Variants in PHF14 observed in about 807,000 individuals in gnomAD.
PHF14 encodes the protein PHD finger protein 14.
In PHF14, 55 loss-of-function variants were observed where a neutral mutation model predicts 117.9. The ratio of observed to expected loss-of-function variants is 0.47; its 90% CI spans 0.38 to 0.58. The LOEUF (loss-of-function observed/expected upper bound fraction) is 0.58. Ranked by LOEUF, PHF14 falls within the 20% of genes least tolerant of loss-of-function variation. PHF14 has a pLI of 0.00. For missense variants in PHF14, 978 were observed against 1,122.2 expected (o/e 0.87, Z 1.84); for synonymous variants, 409 against 368.6 (o/e 1.11, Z -1.26).
intron 6 of PHF14, among the ~76,000 whole-genome samples, chr7:11,023,951 G>T (rs972410539): frequency 6.6e-6 from 1 of 152,198 alleles, no homozygotes; most frequent in African/African-American, 2.4e-5. Flanking sequence ...TAAGCTTAGT[G>T]AGGAAGGCAT....
chr7:11,048,437 T>A (rs1784747152), intron 13 of PHF14, among the ~76,000 whole-genome samples: 4 of 152,014 alleles, frequency 2.6e-5, no homozygotes, highest in African/African-American at 9.7e-5. Flanking sequence ...CCAGGCATGG[T>A]GGCAGGCACC....
At chr7:11,067,887 CA>C (rs1209653428) in intron 16 of PHF14, among the ~76,000 whole-genome samples, 1 of 152,076 alleles carries the variant, frequency 6.6e-6, no homozygotes, top group Non-Finnish European at 1.5e-5. Flanking sequence ...AGTTAGAACA[CA>C]CCCCTGAGGA....
chr7:11,020,586 G>A (rs779730795), intron 5 of PHF14, among the ~76,000 whole-genome samples: 6 of 151,774 alleles, frequency 4.0e-5, no homozygotes, highest in Admixed American at 6.6e-5. Context: ...ACCATGTTGC[G>A]CAGGCTGGTC....
chr7:11,101,840 T>C (rs958293868), intron 16 of PHF14, among the ~76,000 whole-genome samples: 3 of 151,836 alleles, frequency 2.0e-5, no homozygotes, highest in African/African-American at 7.2e-5. Context: ...ACTTTTTATG[T>C]TTACCCCAGT....
chr7:11,058,834 A>G, intron 14 of PHF14, among the ~76,000 whole-genome samples: 1 of 152,232 alleles, frequency 6.6e-6, no homozygotes. Context: ...ACTGAGTTTC[A>G]GGTTTACCTC....
chr7:11,058,173 A>G (rs913367619), intron 14 of PHF14, among the ~76,000 whole-genome samples: 5 of 152,182 alleles, frequency 3.3e-5, no homozygotes, highest in African/African-American at 1.2e-4. Context: ...AGTTATATAT[A>G]CTTCTATTCA....
At chr7:11,106,072 C>T in intron 16 of PHF14, 1 of 982,870 alleles carries the variant, frequency 1.0e-6, no homozygotes, top group South Asian at 4.7e-5. Flanking sequence ...ATTCTTCTCT[C>T]ATGCTGTGAA....
At chr7:11,071,606 T>C (rs1328026194) in intron 16 of PHF14, among the ~76,000 whole-genome samples, 1 of 152,218 alleles carries the variant, frequency 6.6e-6, no homozygotes. Context: ...TGTTCAACGA[T>C]CATTACAGTC....
At chr7:11,105,643 G>A in intron 16 of PHF14, 1 of 984,524 alleles carries the variant, frequency 1.0e-6, no homozygotes, top group Non-Finnish European at 1.2e-6. Flanking sequence ...CACTTTGTAA[G>A]TTTACATAAA....
intron 16 of PHF14, chr7:11,063,380 A>G (rs1285170943): frequency 5.1e-6 from 5 of 982,566 alleles, no homozygotes; most frequent in Non-Finnish European, 6.0e-6. Context: ...AATCCCAAGC[A>G]TAAGCGTAAC....
intron 12 of PHF14, 27 bp downstream of exon 12, chr7:11,040,802 A>G (rs989224572): frequency 7.2e-6 from 8 of 1,112,620 alleles, no homozygotes; most frequent in African/African-American, 1.6e-5. Flanking sequence ...ATAATGATAG[A>G]ATAATGTTGT....
chr7:11,050,427 T>C (rs192789411), intron 13 of PHF14, among the ~76,000 whole-genome samples: 71 of 152,344 alleles, frequency 4.7e-4, no homozygotes, highest in African/African-American at 1.5e-3. Flanking sequence ...AATTTACTTT[T>C]AACAACTGGT....
intron 7 of PHF14, among the ~76,000 whole-genome samples, chr7:11,033,948 C>G (rs916084223): frequency 2.0e-5 from 3 of 151,946 alleles, no homozygotes; most frequent in Admixed American, 6.6e-5. Context: ...GTAAGTAAAC[C>G]CTGTTTTACT....
intron 4 of PHF14, among the ~76,000 whole-genome samples, chr7:11,001,394 A>G (rs1435129258): frequency 6.6e-6 from 1 of 151,894 alleles, no homozygotes; most frequent in Non-Finnish European, 1.5e-5. Context: ...TTGCCTCTCC[A>G]TGTAAACTTT....
intron 13 of PHF14, among the ~76,000 whole-genome samples, chr7:11,046,864 A>G (rs1400506207): frequency 6.6e-6 from 1 of 151,856 alleles, no homozygotes; most frequent in Non-Finnish European, 1.5e-5. Context: ...GCTTAGACAT[A>G]AGAAAAAAAA....
chr7:11,117,032 G>C (rs548546703), intron 17 of PHF14, among the ~76,000 whole-genome samples: 1 of 151,958 alleles, frequency 6.6e-6, no homozygotes, highest in South Asian at 2.1e-4. Context: ...ACTTGTATCT[G>C]CTGAAACACT....
chr7:11,158,185 T>C (rs1224804332), intron 17 of PHF14, among the ~76,000 whole-genome samples: 1 of 152,182 alleles, frequency 6.6e-6, no homozygotes, highest in Non-Finnish European at 1.5e-5. Flanking sequence ...ATCCAGGATC[T>C]CCTGTTTCAT....
At chr7:10,980,007 T>A (rs1024813805) in intron 2 of PHF14, among the ~76,000 whole-genome samples, 7 of 152,162 alleles carry the variant, frequency 4.6e-5, no homozygotes, top group Admixed American at 3.9e-4. Context: ...CAGGCATGGT[T>A]ATAAATCAAA....
At chr7:11,149,873 A>G (rs1328763668) in intron 17 of PHF14, among the ~76,000 whole-genome samples, 4 of 151,920 alleles carry the variant, frequency 2.6e-5, no homozygotes, top group African/African-American at 9.7e-5. Flanking sequence ...TACAATTTTT[A>G]TACTTCATAT....
Sources: gnomAD v4.1 joint callset for allele counts (sites outside exome capture counted in the v4.1 genomes callset) on GRCh38, gnomAD v4.1.1 for gene constraint, MANE v1.5 for transcripts, NCBI Gene and HGNC (gene_info 2026-07-23, HGNC 2026-07-21) for gene names.